The following CRISPLD2 variants were observed in gnomAD, a reference collection of about 807,000 sequenced individuals.
CRISPLD2 encodes cysteine-rich secretory protein LCCL domain-containing 2.
CRISPLD2 carries 47 observed loss-of-function variants against 71.1 expected under a neutral mutation model. The ratio of observed to expected loss-of-function variants is 0.66; its 90% CI spans 0.52 to 0.84. The LOEUF (loss-of-function observed/expected upper bound fraction) is 0.84, where lower values mean the gene tolerates loss of function less well. Ranked by LOEUF, CRISPLD2 falls within the 40% of genes least tolerant of loss-of-function variation. The probability of loss-of-function intolerance (pLI) is 0.00; values close to 1 mark genes in which losing one functional copy is unlikely to be tolerated. For missense variants in CRISPLD2, 830 were observed against 651.1 expected, an observed-to-expected ratio of 1.27 and a Z score of -2.99; for synonymous variants, 317 against 250.1, an observed-to-expected ratio of 1.27 and a Z score of -2.52.
At chr16:84,901,493 G>A (rs1364008915) in intron 14 of CRISPLD2, among the ~76,000 whole-genome samples, 3 of 135,246 alleles carry the variant, frequency 2.2e-5, no homozygotes, top group South Asian at 2.3e-4. Context: ...TTTTTTTGAC[G>A]CAGAGTCTCC....
At chr16:84,849,583 T>C in intron 4 of CRISPLD2, 66 bp downstream of exon 4, 1 of 1,453,208 alleles carries the variant, frequency 6.9e-7, no homozygotes, top group African/African-American at 1.5e-5. Flanking sequence ...CCCCTGCCCC[T>C]GGGGGATTGT....
chr16:84,853,689 G>A (rs939553226), intron 5 of CRISPLD2, among the ~76,000 whole-genome samples: 4 of 152,210 alleles, frequency 2.6e-5, no homozygotes, highest in Non-Finnish European at 4.4e-5. Context: ...TCCCTGGAAA[G>A]CATCAGAGCG....
chr16:84,870,246 C>T (rs748166453), intron 8 of CRISPLD2, among the ~76,000 whole-genome samples: 1 of 149,374 alleles, frequency 6.7e-6, no homozygotes, highest in South Asian at 2.2e-4. Context: ...TCATCAATAC[C>T]AGCAGCAATT....
chr16:84,855,730 C>T (rs929988155), intron 6 of CRISPLD2, among the ~76,000 whole-genome samples: 2 of 152,188 alleles, frequency 1.3e-5, no homozygotes, highest in African/African-American at 4.8e-5. Flanking sequence ...CCATACACAT[C>T]TCCTGAGATC....
intron 14 of CRISPLD2, among the ~76,000 whole-genome samples, chr16:84,893,618 G>C (rs2071681600): frequency 6.6e-6 from 1 of 152,216 alleles, no homozygotes; most frequent in Non-Finnish European, 1.5e-5. Context: ...GCCAGCAGCA[G>C]GGCCCAGGGG....
intron 1 of CRISPLD2, among the ~76,000 whole-genome samples, chr16:84,826,725 A>G (rs1456603883): frequency 1.3e-5 from 2 of 152,232 alleles, no homozygotes; most frequent in African/African-American, 2.4e-5. Context: ...CTTGGGATGA[A>G]CTGGGCCCTG....
At chr16:84,829,850 G>T (rs1002580440) in intron 1 of CRISPLD2, among the ~76,000 whole-genome samples, 2 of 152,238 alleles carry the variant, frequency 1.3e-5, no homozygotes, top group Admixed American at 1.3e-4. Flanking sequence ...GAAATGTTCA[G>T]TGCAGGAGTA....
At chr16:84,888,589 A>G (rs1291057539) in intron 13 of CRISPLD2, among the ~76,000 whole-genome samples, 1 of 152,230 alleles carries the variant, frequency 6.6e-6, no homozygotes, top group African/African-American at 2.4e-5. Flanking sequence ...TGTCCAGTCT[A>G]CATGGCATGA....
chr16:84,906,349 C>G (rs2071802355), intron 14 of CRISPLD2, among the ~76,000 whole-genome samples: 1 of 152,164 alleles, frequency 6.6e-6, no homozygotes, highest in African/African-American at 2.4e-5. Flanking sequence ...AAGGAAATAA[C>G]TTAACAGCCT....
rs1178703177 is a variant in CRISPLD2, at chr16:84,873,938, C to T, written c.1131C>T (p.Ser377=). The change falls in exon 11 of 15, where the codon AGC becomes AGT. Residue 377 remains serine (S), a synonymous_variant. Coordinates refer to ENST00000262424, the MANE Select transcript of CRISPLD2 (RefSeq NM_031476.4). Reference sequence around the variant, plus strand: ...TAAACAGCAAATACAAACCTTCCAGCTCATTCATGGTGTCAAAAGTGAAAG... The same window carrying T: ...TAAACAGCAAATACAAACCTTCCAGTTCATTCATGGTGTCAAAAGTGAAAG... ...VQSLSKYKPS[S]SFMVSKVKVQ... 11 of 1,595,654 alleles carry T rather than the reference C, an allele frequency of 6.9e-6. No homozygotes were observed. The highest frequency in any genetic ancestry group is 4.5e-5 in the East Asian group (2 of 44,526).
At chr16:84,882,933 A>G (rs1011775157) in intron 13 of CRISPLD2, among the ~76,000 whole-genome samples, 2 of 152,198 alleles carry the variant, frequency 1.3e-5, no homozygotes, top group African/African-American at 4.8e-5. Flanking sequence ...TGTTACCTGC[A>G]TTCATAGCTA....
At chr16:84,850,385 G>T (rs1201292515) in intron 4 of CRISPLD2, among the ~76,000 whole-genome samples, 183 bp from the exon 5 acceptor site, 1 of 152,148 alleles carries the variant, frequency 6.6e-6, no homozygotes, top group Non-Finnish European at 1.5e-5. Context: ...CACCGCACCG[G>T]CCCACTTGCT....
intron 6 of CRISPLD2, among the ~76,000 whole-genome samples, chr16:84,865,462 CTT>C (rs1368263778): frequency 6.6e-6 from 1 of 152,170 alleles, no homozygotes; most frequent in Non-Finnish European, 1.5e-5. Context: ...GGCCCTGAAA[CTT>C]GGATTTTAAT....
Position 84,867,053 on chromosome 16 carries a change from C to T in CRISPLD2, c.853+13C>T, listed in dbSNP as rs376803520. 2.2e-5 allele frequency: 35 copies of T among 1,609,468 alleles called. No individual in the cohort carries two copies. In the East Asian group the frequency reaches 4.2e-4, roughly 20 times the overall value. On this transcript the variant is annotated intron_variant, in intron 7 of 14. Coordinates refer to ENST00000262424, the MANE Select transcript of CRISPLD2 (RefSeq NM_031476.4). ...GTCAACTACATGAGTGAGTCTAGGC[C>T]GTCCTCCGCCCCTCCTGCCCTCCCA...
chr16:84,899,915 C>A (rs1203407376), intron 14 of CRISPLD2, among the ~76,000 whole-genome samples: 1 of 152,154 alleles, frequency 6.6e-6, no homozygotes, highest in Admixed American at 6.5e-5. Flanking sequence ...GGCTTGCCCC[C>A]CATGCAGAAT....
At chr16:84,895,910 G>A (rs1247037818) in intron 14 of CRISPLD2, among the ~76,000 whole-genome samples, 1 of 152,152 alleles carries the variant, frequency 6.6e-6, no homozygotes, top group Non-Finnish European at 1.5e-5. Flanking sequence ...TGGGGAAACT[G>A]AGGCTCAGAG....
chr16:84,887,998 T>G (rs1379869469), intron 13 of CRISPLD2, among the ~76,000 whole-genome samples: 1 of 152,210 alleles, frequency 6.6e-6, no homozygotes, highest in African/African-American at 2.4e-5. Context: ...TTAGAAGCTG[T>G]TAGGTTCCTA....
At chr16:84,892,483 G>T (rs1048458541) in intron 14 of CRISPLD2, among the ~76,000 whole-genome samples, 1 of 152,044 alleles carries the variant, frequency 6.6e-6, no homozygotes, top group Non-Finnish European at 1.5e-5. Context: ...AGGGTTTCTG[G>T]ACACATAGAG....
At chr16:84,870,986 A>C (rs569377490) in intron 8 of CRISPLD2, among the ~76,000 whole-genome samples, 109 of 152,184 alleles carry the variant, frequency 7.2e-4, no homozygotes, top group South Asian at 6.4e-3. Context: ...TGAACCTGGG[A>C]GGTGGAGGCT....
Sources: allele counts gnomAD v4.1 joint callset (sites outside exome capture counted in the v4.1 genomes callset), GRCh38; gene constraint gnomAD v4.1.1; transcripts MANE v1.5; gene names NCBI Gene and HGNC (gene_info 2026-07-23, HGNC 2026-07-21).